The following STAG1 variants were observed in gnomAD, a reference collection of about 807,000 sequenced individuals.
STAG1 encodes the protein cohesin subunit SA-1.
Under a neutral mutation model 170.9 loss-of-function variants are expected in STAG1, and 26 were observed. That is an observed-to-expected ratio of 0.15 (90% CI 0.11 to 0.21). STAG1 has a LOEUF of 0.21. Ranked by LOEUF, STAG1 falls within the 10% of genes least tolerant of loss-of-function variation. The pLI is 1.00. For synonymous variants in STAG1, 514 were observed against 497.7 expected (o/e 1.03, Z -0.44); for missense variants, 964 against 1,509.5 (o/e 0.64, Z 5.99).
chr3:136,500,837 A>C (rs887602883), intron 8 of STAG1, among the ~76,000 whole-genome samples: 1 of 152,254 alleles, frequency 6.6e-6, no homozygotes, highest in African/African-American at 2.4e-5. Context: ...GTAACAAAAT[A>C]AATAGTATCT....
At chr3:136,658,197 CAAA>C (rs78966136) in intron 1 of STAG1, among the ~76,000 whole-genome samples, 5 of 115,920 alleles carry the variant, frequency 4.3e-5, no homozygotes, top group Admixed American at 8.8e-5. Context: ...ATCTTCCACC[CAAA>C]AAAAAAAAAA....
At chr3:136,430,359 C>A (rs1037624067) in intron 16 of STAG1, among the ~76,000 whole-genome samples, 1 of 152,112 alleles carries the variant, frequency 6.6e-6, no homozygotes, top group African/African-American at 2.4e-5. Context: ...TTATAATATA[C>A]ATTTTTAACT....
intron 21 of STAG1, among the ~76,000 whole-genome samples, chr3:136,402,354 A>G (rs544143123): frequency 6.6e-6 from 1 of 151,730 alleles, no homozygotes; most frequent in Non-Finnish European, 1.5e-5. Context: ...AGTAGCTGGG[A>G]CTACAGGTGC....
chr3:136,625,925 T>C (rs1940070856), intron 2 of STAG1, among the ~76,000 whole-genome samples: 1 of 152,198 alleles, frequency 6.6e-6, no homozygotes, highest in Admixed American at 6.5e-5. Context: ...CAGTGGCTCA[T>C]GCCTGTAATC....
chr3:136,563,238 G>A (rs114362192), intron 5 of STAG1, among the ~76,000 whole-genome samples: 8 of 152,174 alleles, frequency 5.3e-5, no homozygotes, highest in African/African-American at 1.2e-4. Flanking sequence ...ACTTCTCCCC[G>A]ACCCCACTAG....
intron 1 of STAG1, among the ~76,000 whole-genome samples, chr3:136,683,603 T>C (rs540095742): frequency 7.9e-5 from 12 of 152,176 alleles, no homozygotes; most frequent in Middle Eastern, 3.4e-3. Context: ...GATAATGTTG[T>C]ACTGGTGAGA....
At chr3:136,537,569 C>T (rs1187196883) in intron 6 of STAG1, among the ~76,000 whole-genome samples, 1 of 146,838 alleles carries the variant, frequency 6.8e-6, no homozygotes, top group African/African-American at 2.5e-5. Context: ...GGCGTGATCT[C>T]GGTTCACTGC....
chr3:136,533,378 T>C (rs558387477), intron 6 of STAG1, among the ~76,000 whole-genome samples: 1 of 152,156 alleles, frequency 6.6e-6, no homozygotes, highest in Admixed American at 6.5e-5. Context: ...GCCTTTTTTT[T>C]ATTTTTATTT....
chr3:136,413,535 C>T (rs764184903), intron 21 of STAG1, among the ~76,000 whole-genome samples: 3 of 151,644 alleles, frequency 2.0e-5, no homozygotes, highest in East Asian at 1.9e-4. Context: ...CTTGGCTCAC[C>T]GCAACCTCTG....
intron 15 of STAG1, among the ~76,000 whole-genome samples, chr3:136,439,424 A>ACACACACAC (rs1553721556): frequency 9.9e-4 from 142 of 144,110 alleles, no homozygotes; most frequent in Non-Finnish European, 1.4e-3. Context: ...ACACACACAC[A>ACACACACAC]CACACACACA....
intron 15 of STAG1, among the ~76,000 whole-genome samples, chr3:136,435,160 C>A (rs1051023533): frequency 2.0e-5 from 3 of 152,128 alleles, no homozygotes; most frequent in Non-Finnish European, 4.4e-5. Context: ...CCTTATCTAG[C>A]CCTTTTTCTA....
chr3:136,693,703 G>C (rs573610150), intron 1 of STAG1, among the ~76,000 whole-genome samples: 4 of 151,730 alleles, frequency 2.6e-5, no homozygotes, highest in Admixed American at 6.6e-5. Flanking sequence ...TCAGCAGCTA[G>C]GACCACAAGT....
chr3:136,536,726 A>C (rs1257423487), intron 6 of STAG1, among the ~76,000 whole-genome samples: 1 of 146,588 alleles, frequency 6.8e-6, no homozygotes, highest in Non-Finnish European at 1.5e-5. Context: ...AAAAAAAAAA[A>C]CTACGGCTGT....
In STAG1 at chr3:136,611,716, G is replaced by T. The variant is rs991691786; in HGVS notation, c.133-7243C>A. ...AGATGGGTTTTGCCATGTTGCCCAG[G>T]CTGGTCTCGAACTCCTGAGCTCAAG... On this transcript the variant is annotated intron_variant, in intron 3 of 33. Coordinates refer to ENST00000383202, the MANE Select transcript of STAG1 (RefSeq NM_005862.3). Among the ~76,000 whole-genome samples the T allele has an allele frequency of 3.5e-5, 5 of 144,858 alleles. No individual in the cohort carries two copies. The South Asian group carries it at 6.6e-4, about 19-fold the overall frequency.
At chr3:136,451,378 A>G (rs2107775676) in intron 14 of STAG1, among the ~76,000 whole-genome samples, 1 of 152,342 alleles carries the variant, frequency 6.6e-6, no homozygotes. Flanking sequence ...CAAACAAGAT[A>G]AAACTAATGT....
At chr3:136,633,050 T>C (rs67236827) in intron 1 of STAG1, among the ~76,000 whole-genome samples, 11,888 of 152,080 alleles carry the variant, frequency 0.078, 483 homozygotes, top group Non-Finnish European at 0.094. Flanking sequence ...CAGATGACTA[T>C]AGATTTTAAC....
intron 16 of STAG1, among the ~76,000 whole-genome samples, chr3:136,428,588 A>C (rs926514730): frequency 6.6e-6 from 1 of 152,160 alleles, no homozygotes; most frequent in African/African-American, 2.4e-5. Context: ...TGTCAACACT[A>C]TTGAAGAGAA....
At chr3:136,528,823 G>C (rs1935213252) in intron 6 of STAG1, among the ~76,000 whole-genome samples, 3 of 151,816 alleles carry the variant, frequency 2.0e-5, no homozygotes, top group Admixed American at 6.6e-5. Flanking sequence ...CCAGCTATTT[G>C]GGAGGCTGAA....
At chr3:136,439,443 A>AC (rs1559802083) in intron 15 of STAG1, among the ~76,000 whole-genome samples, 1,149 of 44,822 alleles carry the variant, frequency 0.026, 68 homozygotes, top group African/African-American at 0.061. Context: ...CACACACACA[A>AC]ACACTGTAAG....
Sources: gnomAD v4.1 joint callset for allele counts (sites outside exome capture counted in the v4.1 genomes callset) on GRCh38, gnomAD v4.1.1 for gene constraint, MANE v1.5 for transcripts, NCBI Gene and HGNC (gene_info 2026-07-23, HGNC 2026-07-21) for gene names.